The following BRD4 variants were observed in gnomAD, a reference collection of about 807,000 sequenced individuals.
The protein encoded by BRD4 is bromodomain containing 4, also known as bromodomain-containing protein 4.
A neutral mutation model predicts 142.1 loss-of-function variants in BRD4; 16 were observed. That is an observed-to-expected ratio of 0.11 (90% CI 0.08 to 0.17). BRD4 has a LOEUF of 0.17. BRD4 is among the 10% of genes least tolerant of loss of function. BRD4 has a pLI of 1.00. For missense variants in BRD4, 1,424 were observed against 1,810.9 expected (o/e 0.79, Z 3.88); for synonymous variants, 833 against 707.5 (o/e 1.18, Z -2.82).
chr19:15,317,767 T>C (rs1287640512), intron 1 of BRD4, among the ~76,000 whole-genome samples: 3 of 152,204 alleles, frequency 2.0e-5, no homozygotes, highest in Non-Finnish European at 2.9e-5. Flanking sequence ...GCAGGCAGCA[T>C]GCTACGCAAC....
At chr19:15,253,495 A>C in intron 11 of BRD4, 2 of 1,459,848 alleles carry the variant, frequency 1.4e-6, no homozygotes, top group Non-Finnish European at 1.9e-6. Flanking sequence ...AAAAGAAGGG[A>C]CTGTTAGTTA....
intron 1 of BRD4, among the ~76,000 whole-genome samples, chr19:15,274,998 ACAGGC>A (rs2047630620): frequency 6.6e-6 from 1 of 151,888 alleles, no homozygotes; most frequent in African/African-American, 2.4e-5. Context: ...AGCTAGGATT[ACAGGC>A]GTGTGCCACC....
chr19:15,237,252 G>T lies in BRD4; in HGVS notation c.*1125C>A, dbSNP rs1406535964. On this transcript the variant is annotated 3_prime_UTR_variant, in exon 20 of 20. Coordinates refer to ENST00000679869, the MANE Select transcript of BRD4 (RefSeq NM_001379291.1). The stretch of plus-strand genomic sequence containing the variant: ...AAAAAGCCAACAAATGGGTGGGGGG[G>T]GGGGGGGTGGAGGGGAAAGAAAAGA... The T allele has an allele frequency of 8.4e-6, 1 of 119,590 alleles. No individual in the cohort carries two copies. The highest frequency in any genetic ancestry group is 3.6e-5 in the African/African-American group (1 of 27,720). The allele number at this position is 119,590 out of a possible 1,614,324, so 7.4% of individuals were successfully genotyped here. A position where few individuals can be genotyped will look rare whatever the true frequency, so the allele number is the denominator to read the frequency against.
chr19:15,249,140 G>A (rs999042924), intron 11 of BRD4: 13 of 1,436,648 alleles, frequency 9.0e-6, no homozygotes, highest in Admixed American at 2.0e-5. Context: ...CCACCCCGGG[G>A]GACAGGCCCA....
intron 1 of BRD4, among the ~76,000 whole-genome samples, chr19:15,327,285 T>C (rs574588695): frequency 6.6e-6 from 1 of 152,280 alleles, no homozygotes; most frequent in Non-Finnish European, 1.5e-5. Flanking sequence ...ACGCCTGTAA[T>C]CCCAGCACTT....
rs201646539 is a variant in BRD4, at chr19:15,239,803, C to A, written c.3301G>T (p.Val1101Leu). ...ACCACGAGGGGCTGGGGCTGGACCA[C>A]GGAGGCAGCACGCAGCTCCTGGGAT... is the stretch of plus-strand genomic sequence containing the variant. ...PKKQELRAAS[V>L]VQPQPLVVVK... Residue 1101 changes from valine (V) to leucine (L), a missense_variant, in exon 16 of 20, where the codon GTG becomes TTG. Val to Leu is a conservative substitution (Grantham distance 32). This residue lies in a region of BRD4 where 598 missense variants were observed against 647.8 expected (regional missense o/e 0.92). Transcript: ENST00000679869. The surrounding 1 kb of genome is among the most constrained non-coding windows in gnomAD (Gnocchi z 7.4). 10 of 1,613,408 alleles carry A rather than the reference C, an allele frequency of 6.2e-6. No homozygotes were observed. In the African/African-American group the frequency reaches 1.3e-4, roughly 22 times the overall value.
At chr19:15,274,096 C>CA (rs931656642) in intron 1 of BRD4, among the ~76,000 whole-genome samples, 3 of 152,134 alleles carry the variant, frequency 2.0e-5, no homozygotes, top group Admixed American at 6.5e-5. Flanking sequence ...GATAGGAGGC[C>CA]AGTGAGATAG....
chr19:15,245,848 G>C (rs2047281179), intron 11 of BRD4, among the ~76,000 whole-genome samples: 1 of 152,230 alleles, frequency 6.6e-6, no homozygotes, highest in East Asian at 1.9e-4. Flanking sequence ...CCTTGTCAGG[G>C]TGCTGCCTCT....
chr19:15,290,789 C>T (rs1181290182), intron 1 of BRD4, among the ~76,000 whole-genome samples: 6 of 152,028 alleles, frequency 3.9e-5, no homozygotes, highest in Non-Finnish European at 4.4e-5. Flanking sequence ...CTAAGTGTAC[C>T]CCCTCTTCCC....
At chr19:15,260,615 C>A (rs910491354) in intron 7 of BRD4, among the ~76,000 whole-genome samples, 1 of 152,142 alleles carries the variant, frequency 6.6e-6, no homozygotes, top group Non-Finnish European at 1.5e-5. Flanking sequence ...CAGCACCCCC[C>A]ACCCCTTGCC....
At chr19:15,261,937 A>T (rs577962488) in intron 7 of BRD4, among the ~76,000 whole-genome samples, 1 of 152,334 alleles carries the variant, frequency 6.6e-6, no homozygotes, top group Non-Finnish European at 1.5e-5. Flanking sequence ...TCCAAGCCTG[A>T]GCATGCATTT....
intron 1 of BRD4, among the ~76,000 whole-genome samples, chr19:15,281,819 A>G (rs962361495): frequency 6.6e-6 from 1 of 152,140 alleles, no homozygotes; most frequent in Non-Finnish European, 1.5e-5. Context: ...GGAGTTCAAG[A>G]CCACCATGGG....
At chr19:15,247,582 C>T (rs1190371035) in intron 11 of BRD4, 4 of 232,856 alleles carry the variant, frequency 1.7e-5, no homozygotes, top group South Asian at 1.8e-4. Flanking sequence ...GTGCGTGTGT[C>T]GGGGGCAGCA....
intron 1 of BRD4, among the ~76,000 whole-genome samples, chr19:15,317,086 CAGCAGACAAG>C (rs1384141449): frequency 6.6e-6 from 1 of 152,196 alleles, no homozygotes; most frequent in Admixed American, 6.5e-5. Context: ...GCTTATGCCA[CAGCAGACAAG>C]AGCTAGTGGG....
At chr19:15,261,903 TA>T (rs914905201) in intron 7 of BRD4, among the ~76,000 whole-genome samples, 1 of 150,684 alleles carries the variant, frequency 6.6e-6, no homozygotes, top group African/African-American at 2.5e-5. Flanking sequence ...AATAAATAAA[TA>T]AAAAAAAGTA....
rs1029848213 is a variant in BRD4, at chr19:15,264,651, C to T, written c.965G>A (p.Arg322Gln). The T allele has an allele frequency of 6.8e-6, 11 of 1,613,794 alleles. No individual in the cohort carries two copies. The highest frequency in any genetic ancestry group is 2.2e-5 in the East Asian group (1 of 44,878). Reference sequence around the variant, plus strand: ...AGGTTTCACAGGCCGGCTGCTCTCCCGCCGCTGGCCCAGCTTGGTGGTCTT... The same window carrying T: ...AGGTTTCACAGGCCGGCTGCTCTCCTGCCGCTGGCCCAGCTTGGTGGTCTT... Reference protein sequence around the residue: ...EPKTTKLGQRRESSRPVKPPK... With the variant: ...EPKTTKLGQRQESSRPVKPPK... Residue 322 changes from arginine (R) to glutamine (Q), a missense_variant, in exon 6 of 20, where the codon CGG (arginine) becomes CAG (glutamine). By Grantham distance (43) the Arg-to-Gln change is conservative. Coordinates refer to ENST00000679869, the MANE Select transcript of BRD4 (RefSeq NM_001379291.1).
chr19:15,329,042 G>C (rs1235928344), intron 1 of BRD4, among the ~76,000 whole-genome samples: 3 of 151,668 alleles, frequency 2.0e-5, no homozygotes, highest in Admixed American at 1.3e-4. Flanking sequence ...CAAAGTGCTG[G>C]GATCACAGGC....
intron 11 of BRD4, among the ~76,000 whole-genome samples, chr19:15,250,815 G>GA (rs2047335857): frequency 6.6e-6 from 1 of 152,186 alleles, no homozygotes; most frequent in African/African-American, 2.4e-5. Flanking sequence ...CCATGTGCTT[G>GA]GCAGACCTAA....
intron 1 of BRD4, among the ~76,000 whole-genome samples, chr19:15,320,403 C>T (rs561105802): frequency 1.3e-5 from 2 of 152,030 alleles, no homozygotes; most frequent in Admixed American, 6.6e-5. Flanking sequence ...TTTGCAGGCA[C>T]GGAAGATAGA....
Sources: allele counts gnomAD v4.1 joint callset (sites outside exome capture counted in the v4.1 genomes callset), GRCh38; gene constraint gnomAD v4.1.1; regional missense constraint gnomAD v4.1.1; non-coding constraint Gnocchi (gnomAD v3.1); transcripts MANE v1.5; gene names NCBI Gene and HGNC (gene_info 2026-07-23, HGNC 2026-07-21).